The following POU2F2 variants were observed in gnomAD, a reference collection of about 807,000 sequenced individuals.
POU2F2 encodes POU class 2 homeobox 2.
POU2F2 carries 14 observed loss-of-function variants against 63.5 expected under a neutral mutation model. That is an observed-to-expected ratio of 0.22 (90% CI 0.15 to 0.34). The LOEUF (loss-of-function observed/expected upper bound fraction) is 0.34, where lower values mean the gene tolerates loss of function less well. Ranked by LOEUF, POU2F2 falls within the 10% of genes least tolerant of loss-of-function variation. The pLI is 1.00. For synonymous variants in POU2F2, 306 were observed against 348.6 expected (o/e 0.88, Z 1.36); for missense variants, 607 against 815.2 (o/e 0.74, Z 3.11).
At position 42,164,163 on chromosome 19, in the gene POU2F2, G is replaced by A. The variant is rs1413278857; in HGVS notation, c.-69-3771C>T. On this transcript the variant is annotated intron_variant, in intron 1 of 6. Coordinates refer to the POU2F2 transcript ENST00000524801. ...ACAAATATTAGCCGGGTGTGGTGGTGCGCCTGTAATCCCAGCTACTCAGGA... is the reference window on the plus strand; with the variant it reads ...ACAAATATTAGCCGGGTGTGGTGGTACGCCTGTAATCCCAGCTACTCAGGA... Among the ~76,000 whole-genome samples, 5 of 152,168 alleles carry A rather than the reference G, an allele frequency of 3.3e-5. No individual in the cohort carries two copies. In the East Asian group the frequency reaches 5.8e-4, roughly 18 times the overall value.
At chr19:42,120,421 G>A (rs184191578) in intron 4 of POU2F2, among the ~76,000 whole-genome samples, 8 of 151,734 alleles carry the variant, frequency 5.3e-5, no homozygotes, top group African/African-American at 1.5e-4. Context: ...AAGTTTCACC[G>A]TGTTGGCCAG....
chr19:42,093,009 A>ATATTT (rs1491281554), intron 12 of POU2F2, among the ~76,000 whole-genome samples: 8 of 47,196 alleles, frequency 1.7e-4, no homozygotes, highest in African/African-American at 5.5e-4. Flanking sequence ...ATATATATAT[A>ATATTT]TTTTTTTTTT....
chr19:42,122,764 A>G (rs553104636), intron 1 of POU2F2, among the ~76,000 whole-genome samples, 188 bp from the exon 2 acceptor site: 1 of 152,180 alleles, frequency 6.6e-6, no homozygotes, highest in African/African-American at 2.4e-5. Flanking sequence ...TGGCAAGATG[A>G]GACACAGCAC....
chr19:42,152,205 A>G lies in POU2F2; in HGVS notation c.-9+8127T>C, dbSNP rs1479690378. ...ATGCCCACAGGGATATGGAGCCTCC[A>G]AAGAGACAGAAGGAAACAGGCAGAT... On this transcript the variant is annotated intron_variant, in intron 2 of 6. Coordinates refer to the POU2F2 transcript ENST00000524801. The surrounding 1 kb of genome is among the most constrained non-coding windows in gnomAD (Gnocchi z 4.1). 1.3e-5 allele frequency among the ~76,000 whole-genome samples: 2 copies of G among 152,174 alleles called. No homozygotes were observed. Among genetic ancestry groups the G allele is most frequent in the Non-Finnish European group, 2.9e-5 (2 of 68,026 alleles).
Position 42,088,835 on chromosome 19 carries a change from G to C in POU2F2, c.*2422C>G, listed in dbSNP as rs1285306432. ...AGGTGCCAGGCCCCATCGTGCCGGG[G>C]TGGGAGGGGCGGCTACTTCACCACT... On this transcript the variant is annotated 3_prime_UTR_variant, in exon 15 of 15. Transcript: ENST00000692977. 1 of 152,678 alleles carries C rather than the reference G, an allele frequency of 6.5e-6. No homozygotes were observed. The highest frequency in any genetic ancestry group is 1.5e-5 in the Non-Finnish European group (1 of 68,104). The allele number at this position is 152,678 out of a possible 1,614,324, so 9.5% of individuals were successfully genotyped here.
chr19:42,093,927 C>T lies in POU2F2; in HGVS notation c.1198-32G>A. On this transcript the variant is annotated intron_variant, in intron 11 of 14. Coordinates refer to ENST00000692977, the MANE Select transcript of POU2F2 (RefSeq NM_001394376.1). The stretch of plus-strand genomic sequence containing the variant: ...AGAGAAGAAAGGAGGTGTGGTTAGC[C>T]ACTGTCTGCCAGCAGCCCCCGTGAT... 3.2e-6 allele frequency: 5 copies of T among 1,580,498 alleles called. No homozygotes were observed. The South Asian group carries it at 5.6e-5, about 18-fold the overall frequency.
At chr19:42,176,241 C>T (rs1390725678), upstream of POU2F2, among the ~76,000 whole-genome samples, 1 of 152,176 alleles carries the variant, frequency 6.6e-6, no homozygotes, top group Non-Finnish European at 1.5e-5. Context: ...CAGATGCCAC[C>T]TCGCCTCTCT....
At chr19:42,101,371 T>C (rs576302240) in intron 5 of POU2F2, among the ~76,000 whole-genome samples, 137 of 151,508 alleles carry the variant, frequency 9.0e-4, no homozygotes, top group African/African-American at 3.2e-3. Flanking sequence ...TAAAATGAGG[T>C]CATTAGGGTG....
chr19:42,168,343 G>A lies in POU2F2; in HGVS notation c.-70+7620C>T, dbSNP rs570658130. Among the ~76,000 whole-genome samples the A allele has an allele frequency of 2.4e-4, 36 of 152,270 alleles. No homozygotes were observed. The South Asian group carries it at 5.8e-3, about 25-fold the overall frequency. On this transcript the variant is annotated intron_variant, in intron 1 of 6. Coordinates refer to the POU2F2 transcript ENST00000524801. ...AAACTGTTTTGTGGTTATGTGGTGC[G>A]CCCTGAATAAATCCCAAGCCTCACA...
intron 2 of POU2F2, among the ~76,000 whole-genome samples, chr19:42,154,062 C>T (rs1039327957): frequency 6.6e-6 from 1 of 151,870 alleles, no homozygotes; most frequent in Admixed American, 6.6e-5. Flanking sequence ...CACCAAGCGA[C>T]CTCCGTCCCT....
upstream of POU2F2, among the ~76,000 whole-genome samples, chr19:42,180,180 T>C (rs1031941133): frequency 1.3e-5 from 2 of 152,002 alleles, no homozygotes; most frequent in Non-Finnish European, 2.9e-5. Flanking sequence ...ACAACATAAA[T>C]GAATGCAGGA....
At chr19:42,147,173 T>A (rs933710281) in intron 2 of POU2F2, among the ~76,000 whole-genome samples, 3 of 152,198 alleles carry the variant, frequency 2.0e-5, no homozygotes, top group African/African-American at 7.2e-5. Flanking sequence ...TAAAGTCCTA[T>A]GTCATCTCAC....
upstream of POU2F2, among the ~76,000 whole-genome samples, chr19:42,178,124 T>G (rs1429378673): frequency 2.0e-5 from 3 of 147,944 alleles, no homozygotes; most frequent in Non-Finnish European, 3.0e-5. Context: ...CACAGAAATA[T>G]AGAGACACAG....
intron 5 of POU2F2, among the ~76,000 whole-genome samples, chr19:42,105,939 A>C (rs1179769962): frequency 4.6e-5 from 7 of 151,842 alleles, no homozygotes; most frequent in Non-Finnish European, 1.0e-4. Context: ...AAAAAAAAAA[A>C]CCTATTGCCC....
upstream of POU2F2, among the ~76,000 whole-genome samples, chr19:42,177,484 AG>A (rs1408894698): frequency 6.6e-6 from 1 of 152,160 alleles, no homozygotes; most frequent in East Asian, 1.9e-4. Context: ...ACACGGAGGC[AG>A]GGAGAGGCCC....
rs2032138750 is a variant in POU2F2, at chr19:42,117,928, T to C, written c.187-496A>G. Among the ~76,000 whole-genome samples the C allele has an allele frequency of 6.6e-6, 1 of 152,052 alleles. No individual in the cohort carries two copies. Among genetic ancestry groups the C allele is most frequent in the Non-Finnish European group, 1.5e-5 (1 of 67,998 alleles). On this transcript the variant is annotated intron_variant, in intron 4 of 14. Transcript: ENST00000692977. The surrounding 1 kb of genome is among the most constrained non-coding windows in gnomAD (Gnocchi z 4.4). ...AGAGGTACATCTCTCTTGCTTTTTT[T>C]TTCTTTTTGTTTTTGAGACAAGGTC... is the stretch of plus-strand genomic sequence containing the variant.
intron 5 of POU2F2, among the ~76,000 whole-genome samples, chr19:42,106,019 C>CTTTCTTTCTTTCTT (rs2146440965): frequency 7.1e-6 from 1 of 141,604 alleles, no homozygotes; most frequent in African/African-American, 2.7e-5. Flanking sequence ...TTCTTTCTTT[C>CTTTCTTTCTTTCTT]TTTCTTTCTT....
At position 42,158,237 on chromosome 19, in the gene POU2F2, C is replaced by A. The variant is rs139061231; in HGVS notation, c.-9+2095G>T. ...GCATCTCTCTAGTGTATAATCATCT[C>A]TAGTTTCTATTGAAAAACCAACAAG... On this transcript the variant is annotated intron_variant, in intron 2 of 6. Coordinates refer to the POU2F2 transcript ENST00000524801. 3.9e-5 allele frequency among the ~76,000 whole-genome samples: 6 copies of A among 152,336 alleles called. No individual in the cohort carries two copies. The East Asian group carries it at 1.2e-3, about 29-fold the overall frequency.
At chr19:42,170,614 TAC>T (rs1457470259) in intron 1 of POU2F2, among the ~76,000 whole-genome samples, 2 of 152,092 alleles carry the variant, frequency 1.3e-5, no homozygotes, top group African/African-American at 4.8e-5. Flanking sequence ...CAAAGGCACA[TAC>T]ATAGATGCAC....
Sources: allele counts gnomAD v4.1 joint callset (sites outside exome capture counted in the v4.1 genomes callset), GRCh38; gene constraint gnomAD v4.1.1; non-coding constraint Gnocchi (gnomAD v3.1); transcripts MANE v1.5; gene names NCBI Gene and HGNC (gene_info 2026-07-23, HGNC 2026-07-21).